CENPW: variants seen among roughly 807,000 people sequenced by gnomAD.
The protein encoded by CENPW is centromere protein W.
In CENPW, 3 loss-of-function variants were observed where a neutral mutation model predicts 11.1. That is an observed-to-expected ratio of 0.27 (90% CI 0.12 to 0.70). The LOEUF (loss-of-function observed/expected upper bound fraction) is 0.70. Ranked by LOEUF, CENPW falls within the 30% of genes least tolerant of loss-of-function variation. CENPW has a pLI of 0.77. For missense variants in CENPW, 100 were observed against 105.6 expected (o/e 0.95, Z 0.23); for synonymous variants, 38 against 42.0 (o/e 0.91, Z 0.37).
At chr6:126,433,734 T>C in the CENPW span, among the ~76,000 whole-genome samples, 1 of 152,094 alleles carries the variant, frequency 6.6e-6, no homozygotes, top group South Asian at 2.1e-4. Context: ...AACCTCTTTT[T>C]GGGAAAACGC....
At chr6:126,477,504 C>T in the CENPW span, among the ~76,000 whole-genome samples, 3 of 151,774 alleles carry the variant, frequency 2.0e-5, no homozygotes, top group Non-Finnish European at 4.4e-5. Context: ...TCTCTGCCAG[C>T]AAATAATGTA....
At chr6:126,363,651 T>C in the CENPW span, among the ~76,000 whole-genome samples, 1 of 152,326 alleles carries the variant, frequency 6.6e-6, no homozygotes, top group Admixed American at 6.5e-5. Context: ...AGTTAGCCTG[T>C]ACCATTGGTT....
At chr6:126,389,834 G>C in the CENPW span, among the ~76,000 whole-genome samples, 1 of 151,776 alleles carries the variant, frequency 6.6e-6, no homozygotes, top group African/African-American at 2.4e-5. Flanking sequence ...TGTGCCCAAG[G>C]TTTCATAGTT....
the CENPW span, among the ~76,000 whole-genome samples, chr6:126,394,312 G>C: frequency 6.6e-6 from 1 of 150,830 alleles, no homozygotes; most frequent in African/African-American, 2.4e-5. Context: ...ATGTTTTTAG[G>C]TTTGAGATTA....
At chr6:126,428,421 T>C in the CENPW span, among the ~76,000 whole-genome samples, 1 of 152,208 alleles carries the variant, frequency 6.6e-6, no homozygotes, top group Admixed American at 6.5e-5. Context: ...TATTTTGCCA[T>C]GGTATAGGTG....
At chr6:126,430,808 T>A in the CENPW span, among the ~76,000 whole-genome samples, 1 of 151,858 alleles carries the variant, frequency 6.6e-6, no homozygotes, top group African/African-American at 2.4e-5. Context: ...ATTAGCCAGC[T>A]ACTGGGGAGG....
the CENPW span, among the ~76,000 whole-genome samples, chr6:126,409,535 G>A: frequency 6.6e-6 from 1 of 151,948 alleles, no homozygotes; most frequent in Admixed American, 6.6e-5. Context: ...AACTACTAAT[G>A]GAGAGTATCT....
chr6:126,361,353 G>GC, the CENPW span, among the ~76,000 whole-genome samples: 1 of 152,012 alleles, frequency 6.6e-6, no homozygotes, highest in Non-Finnish European at 1.5e-5. Flanking sequence ...AGGATGGAGT[G>GC]CAGTGGCGCA....
chr6:126,461,853 A>G, the CENPW span, among the ~76,000 whole-genome samples: 1 of 151,994 alleles, frequency 6.6e-6, no homozygotes, highest in Non-Finnish European at 1.5e-5. Flanking sequence ...CAATTATAAA[A>G]TTAGAAGGCC....
chr6:126,378,138 T>A, the CENPW span, among the ~76,000 whole-genome samples: 1 of 152,322 alleles, frequency 6.6e-6, no homozygotes, highest in African/African-American at 2.4e-5. Flanking sequence ...TTAACTTTTC[T>A]ACCAAAATAC....
chr6:126,358,663 GT>G, the CENPW span, among the ~76,000 whole-genome samples: 1 of 152,232 alleles, frequency 6.6e-6, no homozygotes, highest in South Asian at 2.1e-4. Flanking sequence ...GTGGCCTGAA[GT>G]TTTCTTTTTT....
the CENPW span, among the ~76,000 whole-genome samples, chr6:126,363,604 A>G: frequency 1.3e-5 from 2 of 152,124 alleles, no homozygotes; most frequent in African/African-American, 4.8e-5. Context: ...CTTTCTCATC[A>G]TGGTATTTTC....
chr6:126,452,277 G>C, the CENPW span, among the ~76,000 whole-genome samples: 1 of 151,150 alleles, frequency 6.6e-6, no homozygotes, highest in Non-Finnish European at 1.5e-5. Context: ...CTTGCATAGA[G>C]AAGAACTGAG....
the CENPW span, among the ~76,000 whole-genome samples, chr6:126,420,665 A>T: frequency 6.6e-6 from 1 of 152,146 alleles, no homozygotes; most frequent in African/African-American, 2.4e-5. Context: ...CTGGCAATCT[A>T]TGTCCTCAGT....
the CENPW span, among the ~76,000 whole-genome samples, chr6:126,437,594 T>G: frequency 1.3e-5 from 2 of 151,954 alleles, no homozygotes; most frequent in Admixed American, 6.6e-5. Flanking sequence ...GTTTATATAC[T>G]TACTGAGTAA....
the CENPW span, among the ~76,000 whole-genome samples, chr6:126,411,993 CA>C: frequency 2.2e-3 from 238 of 106,200 alleles, 3 homozygotes; most frequent in African/African-American, 6.8e-3. Context: ...TTCCTTCCCC[CA>C]CTCCCTTCCT....
chr6:126,400,183 G>A, the CENPW span, among the ~76,000 whole-genome samples: 2 of 152,062 alleles, frequency 1.3e-5, no homozygotes, highest in South Asian at 4.2e-4. Context: ...CAAAGCAGTT[G>A]TATTATTTTA....
intron 1 of CENPW, among the ~76,000 whole-genome samples, chr6:126,343,187 C>G (rs17754780): frequency 6.6e-6 from 1 of 151,870 alleles, no homozygotes; most frequent in Admixed American, 6.6e-5. Context: ...TTAAAAGTAA[C>G]TTATTGATGG....
the CENPW span, among the ~76,000 whole-genome samples, chr6:126,426,435 TC>T: frequency 1.3e-5 from 2 of 152,086 alleles, no homozygotes; most frequent in African/African-American, 4.8e-5. Flanking sequence ...CTCTTATATC[TC>T]CCAGTTGGAG....
Sources: allele counts gnomAD v4.1 joint callset (sites outside exome capture counted in the v4.1 genomes callset), GRCh38; gene constraint gnomAD v4.1.1; transcripts MANE v1.5; gene names NCBI Gene and HGNC (gene_info 2026-07-23, HGNC 2026-07-21).